The following SSH2 variants were observed in gnomAD, a reference collection of about 807,000 sequenced individuals.
SSH2 encodes slingshot protein phosphatase 2.
SSH2 carries 37 observed loss-of-function variants against 135.2 expected under a neutral mutation model. The ratio of observed to expected loss-of-function variants is 0.27; its 90% CI spans 0.21 to 0.36. The LOEUF (loss-of-function observed/expected upper bound fraction) is 0.36, where lower values mean the gene tolerates loss of function less well. Among genes scored for constraint, SSH2 ranks in the 10% least tolerant of loss-of-function variants. SSH2 has a pLI of 1.00. For missense variants in SSH2, 1,408 were observed against 1,765.3 expected (o/e 0.80, Z 3.63); for synonymous variants, 628 against 646.2 (o/e 0.97, Z 0.43).
At chr17:29,635,273 G>A (rs1358692866) in intron 15 of SSH2, among the ~76,000 whole-genome samples, 1 of 152,186 alleles carries the variant, frequency 6.6e-6, no homozygotes, top group African/African-American at 2.4e-5. Flanking sequence ...CACATGTCTA[G>A]TCTTTGACTT....
At chr17:29,848,475 G>A (rs914689058) in intron 2 of SSH2, among the ~76,000 whole-genome samples, 4 of 152,050 alleles carry the variant, frequency 2.6e-5, no homozygotes, top group African/African-American at 9.7e-5. Flanking sequence ...CCAATACCAA[G>A]CAGTTGCCAC....
At chr17:29,767,142 A>C (rs981820610) in intron 3 of SSH2, among the ~76,000 whole-genome samples, 1 of 152,194 alleles carries the variant, frequency 6.6e-6, no homozygotes, top group South Asian at 2.1e-4. Flanking sequence ...AGATCTGCCT[A>C]TCAACTCTAG....
At position 29,626,901 on chromosome 17, in the gene SSH2, T is replaced by A. The variant is rs1004231799; in HGVS notation, c.*3940A>T. ...AGCTAAAATTTCATCTTATCCACCA[T>A]CAAAAAGCAAAACAAAATTAAACAA... On this transcript the variant is annotated 3_prime_UTR_variant, in exon 16 of 16. Transcript: ENST00000540801. The A allele has an allele frequency of 6.6e-6, 1 of 152,398 alleles. No homozygotes were observed. The highest frequency in any genetic ancestry group is 2.4e-5 in the African/African-American group (1 of 41,442). 9.4% of individuals were successfully genotyped at this position (152,398 alleles called of 1,614,324 possible).
intron 1 of SSH2, among the ~76,000 whole-genome samples, chr17:29,861,161 C>T (rs1182118860): frequency 6.6e-5 from 10 of 152,048 alleles, no homozygotes; most frequent in Non-Finnish European, 1.5e-5. Flanking sequence ...AACATTTTCT[C>T]CCATTCTACA....
At chr17:29,823,301 G>A (rs2042685286) in intron 2 of SSH2, among the ~76,000 whole-genome samples, 1 of 152,100 alleles carries the variant, frequency 6.6e-6, no homozygotes, top group Non-Finnish European at 1.5e-5. Flanking sequence ...ATGAAATACA[G>A]GTACATTTTG....
At chr17:29,703,181 A>G in intron 3 of SSH2, 119 bp from the exon 4 acceptor site, 1 of 702,978 alleles carries the variant, frequency 1.4e-6, no homozygotes, top group Admixed American at 2.2e-5. Context: ...CATGGAACGA[A>G]GTAAAAACAT....
At chr17:29,650,518 G>A (rs1213801639) in intron 13 of SSH2, 136 bp downstream of exon 13, 2 of 800,496 alleles carry the variant, frequency 2.5e-6, no homozygotes, top group Non-Finnish European at 3.7e-6. Flanking sequence ...GGATTAAAAA[G>A]ATTTCAGTCT....
At chr17:29,779,514 GCA>G (rs1442708386) in intron 3 of SSH2, among the ~76,000 whole-genome samples, 1 of 152,140 alleles carries the variant, frequency 6.6e-6, no homozygotes, top group East Asian at 1.9e-4. Flanking sequence ...GGTGGGAGGT[GCA>G]CAGTCAGGGT....
At chr17:29,666,801 T>C (rs2037297844) in intron 11 of SSH2, 66 bp downstream of exon 11, 2 of 1,461,438 alleles carry the variant, frequency 1.4e-6, no homozygotes, top group Non-Finnish European at 9.3e-7. Flanking sequence ...ATTTAATAAT[T>C]ACCCCTGCCC....
At chr17:29,665,398 C>G (rs1471609011) in intron 11 of SSH2, among the ~76,000 whole-genome samples, 2 of 152,132 alleles carry the variant, frequency 1.3e-5, no homozygotes, top group African/African-American at 2.4e-5. Context: ...ACACATATAT[C>G]CTAGAGTGTC....
intron 2 of SSH2, among the ~76,000 whole-genome samples, chr17:29,834,200 T>A (rs1465944556): frequency 6.6e-6 from 1 of 152,040 alleles, no homozygotes; most frequent in Non-Finnish European, 1.5e-5. Context: ...AAGAAAAAGA[T>A]ATACAAATGG....
At chr17:29,904,330 T>C (rs1040242229) in intron 1 of SSH2, among the ~76,000 whole-genome samples, 1 of 152,194 alleles carries the variant, frequency 6.6e-6, no homozygotes, top group African/African-American at 2.4e-5. Context: ...ATCCCTGGGA[T>C]GCAAGGTTGG....
chr17:29,876,341 C>T (rs2066030304), intron 1 of SSH2, among the ~76,000 whole-genome samples: 1 of 152,086 alleles, frequency 6.6e-6, no homozygotes, highest in Non-Finnish European at 1.5e-5. Flanking sequence ...GAAATCCACA[C>T]ATCTATAGTG....
intron 1 of SSH2, chr17:29,855,935 G>T: frequency 3.7e-6 from 1 of 267,032 alleles, no homozygotes. Context: ...ACAAATGATT[G>T]GGAAATAGAA....
intron 1 of SSH2, among the ~76,000 whole-genome samples, chr17:29,859,783 AT>A (rs1156682312): frequency 1.3e-5 from 2 of 152,164 alleles, no homozygotes; most frequent in Non-Finnish European, 2.9e-5. Flanking sequence ...TGATGGAATG[AT>A]TTATATTCCT....
intron 3 of SSH2, among the ~76,000 whole-genome samples, chr17:29,767,540 T>C (rs963435717): frequency 3.3e-5 from 5 of 151,936 alleles, no homozygotes; most frequent in African/African-American, 4.8e-5. Flanking sequence ...CCAGAGATGA[T>C]TGTTATTAAT....
rs1428124595 is a variant in SSH2, at chr17:29,630,133, T to C, written c.*708A>G. ...ACTTTATGTCTTCCTCCTCTTATCA[T>C]GCTTTCCTCTACAGAAGACCACTTG... On this transcript the variant is annotated 3_prime_UTR_variant, in exon 16 of 16. Transcript: ENST00000540801. 6.6e-6 allele frequency: 1 copy of C among 152,254 alleles called. No homozygotes were observed. The highest frequency in any genetic ancestry group is 2.4e-5 in the African/African-American group (1 of 41,458). 9.4% of individuals were successfully genotyped at this position (152,254 alleles called of 1,614,324 possible).
At chr17:29,913,351 TATATATATATATA>T (rs1567650036) in intron 1 of SSH2, among the ~76,000 whole-genome samples, 1 of 20,658 alleles carries the variant, frequency 4.8e-5, no homozygotes, top group East Asian at 1.5e-3. Flanking sequence ...AAAAAAAATA[TATATATATATATA>T]TATATATATA....
At chr17:29,694,566 G>A (rs926632259) in intron 5 of SSH2, among the ~76,000 whole-genome samples, 1 of 152,196 alleles carries the variant, frequency 6.6e-6, no homozygotes, top group Non-Finnish European at 1.5e-5. Context: ...CTGCTCGGGA[G>A]GCTGAGGCAG....
Sources: gnomAD v4.1 joint callset for allele counts (sites outside exome capture counted in the v4.1 genomes callset) on GRCh38, gnomAD v4.1.1 for gene constraint, MANE v1.5 for transcripts, NCBI Gene and HGNC (gene_info 2026-07-23, HGNC 2026-07-21) for gene names.